TAMM41: variants seen among roughly 807,000 people sequenced by gnomAD.
TAMM41 encodes TAM41 mitochondrial translocator assembly and maintenance homolog.
A neutral mutation model predicts 44.1 loss-of-function variants in TAMM41; 36 were observed. That is an observed-to-expected ratio of 0.82 (90% CI 0.63 to 1.08). The LOEUF (loss-of-function observed/expected upper bound fraction) is 1.08, where lower values mean the gene tolerates loss of function less well. Among genes scored for constraint, TAMM41 ranks in the 50% least tolerant of loss-of-function variants. The probability of loss-of-function intolerance (pLI) is 0.00; values close to 1 mark genes in which losing one functional copy is unlikely to be tolerated. For missense variants in TAMM41, 417 were observed against 404.3 expected, an observed-to-expected ratio of 1.03 and a Z score of -0.27; for synonymous variants, 164 against 153.1, an observed-to-expected ratio of 1.07 and a Z score of -0.53.
the TAMM41 span, among the ~76,000 whole-genome samples, chr3:11,724,401 C>T: frequency 6.7e-6 from 1 of 149,228 alleles, no homozygotes; most frequent in Non-Finnish European, 1.5e-5. Context: ...CCGCACCTGG[C>T]CTATTTTTTA....
chr3:11,829,707 T>C lies in TAMM41; in HGVS notation c.562+7A>G, dbSNP rs372716278. 70 of 1,613,862 alleles carry C rather than the reference T, an allele frequency of 4.3e-5. No individual in the cohort carries two copies. The highest frequency in any genetic ancestry group is 1.6e-4 in the Middle Eastern group (1 of 6,078). On this transcript the variant is annotated splice_region_variant and intron_variant, in intron 4 of 7. Transcript: ENST00000455809. ...TTGTAGAACATCTGGGCAGCAACCATACTAACCTGAATAGGAGAGACCGGC... is the reference window on the plus strand; with the variant it reads ...TTGTAGAACATCTGGGCAGCAACCACACTAACCTGAATAGGAGAGACCGGC...
At chr3:11,743,392 C>T in the TAMM41 span, among the ~76,000 whole-genome samples, 1 of 149,824 alleles carries the variant, frequency 6.7e-6, no homozygotes, top group Non-Finnish European at 1.5e-5. Flanking sequence ...GGAGTGCAGT[C>T]GCACAATCTT....
At chr3:11,753,734 C>G in the TAMM41 span, among the ~76,000 whole-genome samples, 1 of 149,284 alleles carries the variant, frequency 6.7e-6, no homozygotes, top group Non-Finnish European at 1.5e-5. Flanking sequence ...AAGACTCCGT[C>G]TCAAAAAAAA....
At chr3:11,816,151 T>C (rs994329245) in intron 5 of TAMM41, among the ~76,000 whole-genome samples, 3 of 152,088 alleles carry the variant, frequency 2.0e-5, no homozygotes, top group Admixed American at 6.5e-5. Context: ...ACAATGTTAG[T>C]TGCCCCTACT....
At chr3:11,840,161 T>C (rs545952281) in intron 2 of TAMM41, among the ~76,000 whole-genome samples, 2 of 152,238 alleles carry the variant, frequency 1.3e-5, no homozygotes, top group East Asian at 1.9e-4. Flanking sequence ...ACTGCCGAGC[T>C]TTCAGGGAGA....
the TAMM41 span, among the ~76,000 whole-genome samples, chr3:11,724,003 G>C: frequency 2.7e-5 from 4 of 148,644 alleles, no homozygotes; most frequent in Admixed American, 1.3e-4. Flanking sequence ...GTGGGGGATG[G>C]GGGGGGGTGA....
At chr3:11,756,110 C>A in the TAMM41 span, among the ~76,000 whole-genome samples, 4 of 152,158 alleles carry the variant, frequency 2.6e-5, no homozygotes, top group Non-Finnish European at 4.4e-5. Flanking sequence ...GGACTATTTG[C>A]GGCTCAAATG....
At chr3:11,786,283 A>ATTTT (rs397814541), downstream of TAMM41, among the ~76,000 whole-genome samples, 2 of 126,480 alleles carry the variant, frequency 1.6e-5, no homozygotes, top group African/African-American at 6.2e-5. Context: ...TTATTTATTT[A>ATTTT]ATTTTATTAT....
the TAMM41 span, among the ~76,000 whole-genome samples, chr3:11,732,004 T>A: frequency 6.6e-6 from 1 of 152,022 alleles, no homozygotes. Flanking sequence ...GTAGCTGGTA[T>A]TACAAGCATG....
At chr3:11,791,674 G>A (rs1192943818) in intron 7 of TAMM41, among the ~76,000 whole-genome samples, 2 of 152,152 alleles carry the variant, frequency 1.3e-5, no homozygotes, top group African/African-American at 4.8e-5. Context: ...GTGATGGCTT[G>A]AAAATATCTG....
At chr3:11,780,378 C>CAGAA in the TAMM41 span, among the ~76,000 whole-genome samples, 2 of 152,176 alleles carry the variant, frequency 1.3e-5, no homozygotes. Context: ...TCTTCCTTCT[C>CAGAA]CTCTGGCTAA....
chr3:11,746,397 G>A, the TAMM41 span, among the ~76,000 whole-genome samples: 1 of 151,598 alleles, frequency 6.6e-6, no homozygotes, highest in African/African-American at 2.4e-5. Flanking sequence ...AATGTTACTA[G>A]AAGACTTGTG....
chr3:11,813,854 G>GTGTGTA (rs1553573074), intron 5 of TAMM41, among the ~76,000 whole-genome samples: 2 of 144,680 alleles, frequency 1.4e-5, no homozygotes, highest in Non-Finnish European at 3.0e-5. Context: ...GTGTGTGTGT[G>GTGTGTA]TGTATGTATG....
intron 2 of TAMM41, among the ~76,000 whole-genome samples, chr3:11,842,965 G>C (rs769415655): frequency 6.6e-6 from 1 of 152,116 alleles, no homozygotes; most frequent in South Asian, 2.1e-4. Flanking sequence ...TGGAGACTGC[G>C]ATGCTTCAGC....
chr3:11,741,764 T>C, the TAMM41 span, among the ~76,000 whole-genome samples: 1 of 150,202 alleles, frequency 6.7e-6, no homozygotes, highest in African/African-American at 2.5e-5. Flanking sequence ...AAGTGGCTTC[T>C]CTTTGGACTA....
the TAMM41 span, among the ~76,000 whole-genome samples, chr3:11,780,231 A>G: frequency 1.3e-5 from 2 of 152,220 alleles, no homozygotes; most frequent in African/African-American, 2.4e-5. Flanking sequence ...ATCTGGCCTC[A>G]GTCATTTCTC....
At chr3:11,825,440 T>TA (rs2078710240) in intron 4 of TAMM41, among the ~76,000 whole-genome samples, 1 of 152,172 alleles carries the variant, frequency 6.6e-6, no homozygotes, top group African/African-American at 2.4e-5. Flanking sequence ...ACACTGCTTG[T>TA]AAGGTTTCAG....
chr3:11,808,119 C>G, intron 6 of TAMM41: 1 of 1,046,986 alleles, frequency 9.6e-7, no homozygotes, highest in Non-Finnish European at 1.3e-6. Context: ...TGAGTCCAAG[C>G]CGATGACCGA....
intron 3 of TAMM41, among the ~76,000 whole-genome samples, chr3:11,837,262 G>A (rs558678491): frequency 1.7e-4 from 26 of 152,192 alleles, no homozygotes; most frequent in African/African-American, 6.0e-4. Flanking sequence ...ACAATCTATC[G>A]GCCTCTTGTG....
Sources: gnomAD v4.1 joint callset for allele counts (sites outside exome capture counted in the v4.1 genomes callset) on GRCh38, gnomAD v4.1.1 for gene constraint, MANE v1.5 for transcripts, NCBI Gene and HGNC (gene_info 2026-07-23, HGNC 2026-07-21) for gene names.